SPTBN5: variants seen among roughly 807,000 people sequenced by gnomAD.
SPTBN5 encodes the protein spectrin beta chain, non-erythrocytic 5.
A neutral mutation model predicts 477.6 loss-of-function variants in SPTBN5; 513 were observed. That is an observed-to-expected ratio of 1.07 (90% CI 1.00 to 1.16). The LOEUF is 1.16. SPTBN5 is among the 50% of genes most tolerant of loss of function. The pLI is 0.00. For missense variants in SPTBN5, 5,062 were observed against 4,731.8 expected (o/e 1.07, Z -2.05); for synonymous variants, 2,169 against 2,011.7 (o/e 1.08, Z -2.09).
chr15:41,851,790 C>T lies in SPTBN5; in HGVS notation c.10645G>A (p.Gly3549Ser). The T allele has an allele frequency of 6.2e-7, 1 of 1,610,216 alleles. No individual in the cohort carries two copies. The highest frequency in any genetic ancestry group is 8.5e-7 in the Non-Finnish European group (1 of 1,179,270). Reference sequence around the variant, plus strand: ...CTCCAGGCACTCACCTGCCTCCCGCCAGGCAGCAGGTGCTGCTTGAACTCC... The same window carrying T: ...CTCCAGGCACTCACCTGCCTCCCGCTAGGCAGCAGGTGCTGCTTGAACTCC... ...SLEFKQHLLP[G>S]GRQPSSSSWD... Residue 3549 changes from glycine (G) to serine (S), a missense_variant, in exon 63 of 68, where the codon GGC becomes AGC. By Grantham distance (56) the Gly-to-Ser change is moderately conservative. Transcript: ENST00000320955.
rs953977647 is a variant in SPTBN5, at chr15:41,851,565, G to C, written c.10657-196C>G. 8.5e-5 allele frequency among the ~76,000 whole-genome samples: 5 copies of C among 58,492 alleles called. No individual in the cohort carries two copies. In the East Asian group the frequency reaches 1.7e-3, roughly 20 times the overall value. 38.4% of individuals were successfully genotyped at this position (58,492 alleles called of 152,430 possible). On this transcript the variant is annotated intron_variant, in intron 63 of 67. Coordinates refer to ENST00000320955, the MANE Select transcript of SPTBN5 (RefSeq NM_016642.4). ...AAGGGGAAGAGCAGGTGGGGAGGAGGAATCCCAGCACCTCCTGGTGGGGGT... is the reference window on the plus strand; with the variant it reads ...AAGGGGAAGAGCAGGTGGGGAGGAGCAATCCCAGCACCTCCTGGTGGGGGT...
At chr15:41,887,545 T>C in intron 5 of SPTBN5, 104 bp from the exon 6 acceptor site, 1 of 925,054 alleles carries the variant, frequency 1.1e-6, no homozygotes, top group Non-Finnish European at 1.7e-6. Flanking sequence ...TCACATCTTC[T>C]TGTGAATTCG....
At chr15:41,856,702 G>A (rs938528304) in intron 52 of SPTBN5, 104 bp from the exon 53 acceptor site, 1 of 1,362,634 alleles carries the variant, frequency 7.3e-7, no homozygotes, top group South Asian at 1.4e-5. Context: ...TCCCCAAGGA[G>A]TTCCCTGTCC....
chr15:41,852,434 T>A, intron 61 of SPTBN5, 118 bp from the exon 62 acceptor site: 1 of 1,396,224 alleles, frequency 7.2e-7, no homozygotes, highest in Non-Finnish European at 9.7e-7. Context: ...TGCCTCCCCA[T>A]CACTAGCTCT....
intron 62 of SPTBN5, 23 bp downstream of exon 62, chr15:41,852,159 T>A (rs765083432): frequency 1.9e-6 from 3 of 1,559,094 alleles, no homozygotes; most frequent in African/African-American, 2.7e-5. Flanking sequence ...CGGGGGTGCC[T>A]GCAGCCCCAT....
In SPTBN5 at chr15:41,867,124, C is replaced by G; in HGVS notation, c.6315G>C (p.Glu2105Asp). The G allele has an allele frequency of 6.5e-7, 1 of 1,530,472 alleles. No individual in the cohort carries two copies. The highest frequency in any genetic ancestry group is 8.8e-7 in the Non-Finnish European group (1 of 1,141,924). The allele number at this position is 1,530,472 out of a possible 1,614,324, so 94.8% of individuals were successfully genotyped here. Reference protein sequence around the residue: ...LKVLTAQDKKEAALRERLKTL... With the variant: ...LKVLTAQDKKDAALRERLKTL... ...TCTTCAGCCGCTCACGCAGGGCTGC[C>G]TCCTGTGGGGCAGGGGCACAGCTGC... The change falls in exon 36 of 68, where the codon GAG becomes GAC. Residue 2105 changes from glutamate to aspartate, a missense_variant and splice_region_variant. Transcript: ENST00000320955.
chr15:41,888,120 G>T (rs1282239323), intron 4 of SPTBN5, 35 bp from the exon 5 acceptor site: 1 of 1,544,052 alleles, frequency 6.5e-7, no homozygotes, highest in South Asian at 1.2e-5. Context: ...ACCATGCGGG[G>T]ATGGGGTGGG....
chr15:41,853,845 G>C (rs2065853924), intron 57 of SPTBN5, 58 bp from the exon 58 acceptor site: 1 of 1,467,020 alleles, frequency 6.8e-7, no homozygotes, highest in South Asian at 1.3e-5. Flanking sequence ...TGCGTGCTCT[G>C]CATTCAGGAG....
At chr15:41,850,152 C>G in intron 66 of SPTBN5, 193 bp from the exon 67 acceptor site, 2 of 587,564 alleles carry the variant, frequency 3.4e-6, no homozygotes, top group Non-Finnish European at 3.1e-6. Context: ...TGCGTCCTGC[C>G]TCTTAGGAAA....
intron 55 of SPTBN5, 95 bp downstream of exon 55, chr15:41,855,129 C>T: frequency 6.8e-7 from 1 of 1,468,694 alleles, no homozygotes; most frequent in Non-Finnish European, 9.2e-7. Context: ...TCTCCAGGCT[C>T]CTTTCTGCTG....
Position 41,877,191 on chromosome 15 carries a change from C to G in SPTBN5, c.3636G>C (p.Lys1212Asn). 1 of 1,614,032 alleles carries G rather than the reference C, an allele frequency of 6.2e-7. No homozygotes were observed. The highest frequency in any genetic ancestry group is 1.6e-4 in the Middle Eastern group (1 of 6,062). The change falls in exon 18 of 68, where the codon AAG becomes AAC. Residue 1212 changes from lysine to asparagine, a missense_variant. Lys to Asn is a moderately conservative substitution (Grantham distance 94). Coordinates refer to ENST00000320955, the MANE Select transcript of SPTBN5 (RefSeq NM_016642.4). ...QWLQEGLELQKFGREVDGFTA... is the reference protein window; with the variant it reads ...QWLQEGLELQNFGREVDGFTA... ...TGAAACCATCCACTTCTCGGCCAAA[C>G]TTCTGCAGCTCCAGCCCCTCTTGCA...
At chr15:41,890,885 C>G (rs1328871356) in intron 3 of SPTBN5, among the ~76,000 whole-genome samples, 2 of 152,232 alleles carry the variant, frequency 1.3e-5, no homozygotes, top group East Asian at 1.9e-4. Flanking sequence ...CCCCCAGCCC[C>G]CTGTGGCTCC....
chr15:41,852,944 C>T lies in SPTBN5; in HGVS notation c.10227G>A (p.Trp3409Ter). Residue 3409 changes from tryptophan to a stop codon, truncating the protein, a stop_gained, in exon 60 of 68, where the codon TGG becomes TGA. Transcript: ENST00000320955. LOFTEE classifies it high-confidence loss of function. Reference protein sequence around the residue: ...EGRLQELEEAWALRWQRCAES... With the variant: ...EGRLQELEEA The stretch of plus-strand genomic sequence containing the variant: ...CGGCACAGCGTTGCCAGCGCAGGGC[C>T]CAAGCCTCCTCCAGCTCCTGCAGCC... The T allele has an allele frequency of 6.3e-7, 1 of 1,578,950 alleles. No homozygotes were observed.
At chr15:41,862,005 C>CG in intron 44 of SPTBN5, 82 bp from the exon 45 acceptor site, 1 of 1,531,052 alleles carries the variant, frequency 6.5e-7, no homozygotes, top group Non-Finnish European at 8.7e-7. Context: ...AGCTGAGGAG[C>CG]GGGAGGCTGG....
At chr15:41,882,229 C>CCGGGGGG in intron 11 of SPTBN5, 40 bp downstream of exon 11, 1 of 1,263,848 alleles carries the variant, frequency 7.9e-7, no homozygotes, top group Non-Finnish European at 1.1e-6. Flanking sequence ...CCCGCCTCGC[C>CCGGGGGG]GGGCCCCGCC....
At chr15:41,848,889 C>T (rs752137710) in intron 67 of SPTBN5, among the ~76,000 whole-genome samples, 2 of 152,178 alleles carry the variant, frequency 1.3e-5, no homozygotes, top group Non-Finnish European at 2.9e-5. Flanking sequence ...TTAGAGACAG[C>T]AGAAAAAATG....
chr15:41,886,138 G>A lies in SPTBN5; in HGVS notation c.1117C>T (p.Leu373=). ...RGAAEALLFR[L]QTALQAQNRR... is the part of the protein sequence containing the mutation. ...TTCTGGGCTTGGAGTGCTGTCTGTAGCCGGAAGAGCAGGGCCTCTGCGGCC... is the reference window on the plus strand; with the variant it reads ...TTCTGGGCTTGGAGTGCTGTCTGTAACCGGAAGAGCAGGGCCTCTGCGGCC... Residue 373 remains leucine (L), a synonymous_variant, in exon 7 of 68, where the codon CTA becomes TTA. Coordinates refer to ENST00000320955, the MANE Select transcript of SPTBN5 (RefSeq NM_016642.4). 6.2e-7 allele frequency: 1 copy of A among 1,611,688 alleles called. No homozygotes were observed. Among genetic ancestry groups the A allele is most frequent in the East Asian group, 2.2e-5 (1 of 44,844 alleles).
In SPTBN5 at chr15:41,851,150, T is replaced by A. The variant is rs1304888557; in HGVS notation, c.10744A>T (p.Lys3582Ter). 6.2e-7 allele frequency: 1 copy of A among 1,612,640 alleles called. No homozygotes were observed. The highest frequency in any genetic ancestry group is 1.3e-5 in the African/African-American group (1 of 74,936). ...TCAAGGAGGGCTATGGAAGCTACTT[T>A]CTGAGGAGAGATGAGAGGCAGGGGT... ...LFLDERMAAE[K>*]VASIALLDLT... is the part of the protein sequence containing the mutation. The change falls in exon 65 of 68, where the codon AAA (lysine) becomes TAA (stop). Residue 3582 changes from lysine to a stop codon, truncating the protein, a stop_gained and splice_region_variant. Coordinates refer to ENST00000320955, the MANE Select transcript of SPTBN5 (RefSeq NM_016642.4). LOFTEE classifies it high-confidence loss of function.
Position 41,858,631 on chromosome 15 carries a change from T to A in SPTBN5, c.8197A>T (p.Ser2733Cys), listed in dbSNP as rs2065997518. 9 of 1,611,508 alleles carry A rather than the reference T, an allele frequency of 5.6e-6. No homozygotes were observed. Among genetic ancestry groups the A allele is most frequent in the Non-Finnish European group, 7.6e-6 (9 of 1,179,520 alleles). Residue 2733 changes from serine (S) to cysteine (C), a missense_variant, in exon 49 of 68, where the codon AGC becomes TGC. Ser to Cys is a moderately radical substitution (Grantham distance 112). Coordinates refer to ENST00000320955, the MANE Select transcript of SPTBN5 (RefSeq NM_016642.4). ...QQNFQAELDASMHQQQELQRE... is the reference protein window; with the variant it reads ...QQNFQAELDACMHQQQELQRE... Reference sequence around the variant, plus strand: ...TGCAGCTCCTGCTGTTGGTGCATGCTCGCGTCCAGCTCCGCCTGGAAATTC... The same window carrying A: ...TGCAGCTCCTGCTGTTGGTGCATGCACGCGTCCAGCTCCGCCTGGAAATTC...
Sources: allele counts gnomAD v4.1 joint callset (sites outside exome capture counted in the v4.1 genomes callset), GRCh38; gene constraint gnomAD v4.1.1; transcripts MANE v1.5; gene names NCBI Gene and HGNC (gene_info 2026-07-23, HGNC 2026-07-21).